SLC35F4: variants seen among roughly 807,000 people sequenced by gnomAD.
SLC35F4 encodes chromosome 14 open reading frame 36.
SLC35F4 carries 24 observed loss-of-function variants against 44.2 expected under a neutral mutation model. The observed-to-expected ratio is 0.54, with a 90% CI of 0.39 to 0.76. The LOEUF (loss-of-function observed/expected upper bound fraction) is 0.76. SLC35F4 is among the 30% of genes least tolerant of loss of function. The probability of loss-of-function intolerance (pLI) is 0.00; values close to 1 mark genes in which losing one functional copy is unlikely to be tolerated. For synonymous variants in SLC35F4, 238 were observed against 223.6 expected (o/e 1.06, Z -0.57); for missense variants, 562 against 586.1 (o/e 0.96, Z 0.42).
At chr14:57,740,711 T>C (rs2140509597) in intron 1 of SLC35F4, among the ~76,000 whole-genome samples, 1 of 152,342 alleles carries the variant, frequency 6.6e-6, no homozygotes, top group East Asian at 1.9e-4. Flanking sequence ...CCAAGTACAC[T>C]GATTTGATAT....
chr14:57,727,146 AT>A (rs2076225944), intron 1 of SLC35F4, among the ~76,000 whole-genome samples: 3 of 150,248 alleles, frequency 2.0e-5, no homozygotes, highest in Admixed American at 1.3e-4. Flanking sequence ...ACATATATAT[AT>A]ATATGTATTC....
chr14:57,653,913 G>A (rs1289417951), intron 1 of SLC35F4, among the ~76,000 whole-genome samples: 2 of 152,158 alleles, frequency 1.3e-5, no homozygotes, highest in African/African-American at 4.8e-5. Context: ...TTCCTTCTGA[G>A]GGCTGTGAGG....
intron 1 of SLC35F4, among the ~76,000 whole-genome samples, chr14:57,822,664 C>G (rs1422204815): frequency 2.6e-5 from 4 of 152,268 alleles, no homozygotes; most frequent in Admixed American, 2.6e-4. Flanking sequence ...AGCAGTGGAT[C>G]TTCTGCCTTA....
chr14:57,877,674 CTTTTTTTTTTTTTTTT>C (rs139397949), intron 1 of SLC35F4, among the ~76,000 whole-genome samples: 2 of 52,440 alleles, frequency 3.8e-5, no homozygotes, highest in African/African-American at 8.3e-5. Flanking sequence ...TATTTTTTGA[CTTTTTTTTTTTTTTTT>C]TTTTTTTTTT....
intron 3 of SLC35F4, among the ~76,000 whole-genome samples, chr14:57,586,107 A>G (rs924978604): frequency 1.6e-4 from 24 of 152,230 alleles, no homozygotes. Context: ...CCAAAACAGC[A>G]TGATACTGGT....
intron 1 of SLC35F4, among the ~76,000 whole-genome samples, chr14:57,754,017 C>A (rs2076942355): frequency 6.6e-6 from 1 of 151,812 alleles, no homozygotes; most frequent in African/African-American, 2.4e-5. Context: ...CAGGATTAGT[C>A]CAATTACCAG....
chr14:57,978,394 A>G (rs1408351173), intron 1 of SLC35F4, among the ~76,000 whole-genome samples: 1 of 152,080 alleles, frequency 6.6e-6, no homozygotes, highest in Non-Finnish European at 1.5e-5. Flanking sequence ...CAGCCCCACC[A>G]CCCAAATGCT....
rs150471042 is a variant in SLC35F4, at chr14:57,850,607, T to C, written c.103+15116A>G. On this transcript the variant is annotated intron_variant, in intron 1 of 7. Transcript: ENST00000556826. ...CATAGCTTTTCTTACTTTATGGATA[T>C]AACATGATACTTTTTTTCATTTAAA... 5.3e-5 allele frequency among the ~76,000 whole-genome samples: 8 copies of C among 152,322 alleles called. No homozygotes were observed. In the East Asian group the frequency reaches 5.8e-4, roughly 11 times the overall value.
intron 1 of SLC35F4, among the ~76,000 whole-genome samples, chr14:57,819,863 A>T (rs1882986675): frequency 1.3e-5 from 2 of 151,950 alleles, no homozygotes; most frequent in South Asian, 4.1e-4. Flanking sequence ...CCTACTAAAT[A>T]CCAAGGCTTC....
intron 4 of SLC35F4, among the ~76,000 whole-genome samples, chr14:57,574,861 G>GAATC (rs959019994): frequency 6.7e-6 from 1 of 149,234 alleles, no homozygotes; most frequent in South Asian, 2.3e-4. Context: ...CACATTTTCA[G>GAATC]AATCAATCAG....
chr14:57,921,841 T>C (rs975247842), intron 1 of SLC35F4, among the ~76,000 whole-genome samples: 3 of 152,224 alleles, frequency 2.0e-5, no homozygotes, highest in African/African-American at 7.2e-5. Context: ...TTAGGTCACG[T>C]TCTGAGCTGC....
rs921926142 is a variant in SLC35F4, at chr14:57,565,119, T to C, written c.1217-743A>G. Among the ~76,000 whole-genome samples, 4 of 152,348 alleles carry C rather than the reference T, an allele frequency of 2.6e-5. No individual in the cohort carries two copies. In the East Asian group the frequency reaches 7.7e-4, roughly 29 times the overall value. ...AATATTTCACTGCATCATAATTTGG[T>C]TATTCATTCAACTCCTGATTCACAT... On this transcript the variant is annotated intron_variant, in intron 7 of 7. Transcript: ENST00000556826.
At chr14:57,740,069 G>A (rs1282728162) in intron 1 of SLC35F4, among the ~76,000 whole-genome samples, 12 of 151,934 alleles carry the variant, frequency 7.9e-5, no homozygotes, top group African/African-American at 1.9e-4. Flanking sequence ...CATGTTGGCC[G>A]GGCTGGTCTC....
rs1433359456 is a variant in SLC35F4 at position 57,766,983 on chromosome 14, T to C, written c.103+98740A>G. The stretch of plus-strand genomic sequence containing the variant: ...ATACACTAATATCTAATAAAGTGAA[T>C]GAGAAAAAGAGGCACATTACTTAAT... On this transcript the variant is annotated intron_variant, in intron 1 of 7. Coordinates refer to ENST00000556826, the MANE Select transcript of SLC35F4 (RefSeq NM_001306087.2). Among the ~76,000 whole-genome samples, 4 of 152,250 alleles carry C rather than the reference T, an allele frequency of 2.6e-5. No homozygotes were observed. In the East Asian group the frequency reaches 5.8e-4, roughly 22 times the overall value.
At chr14:57,921,116 T>C (rs1464274097) in intron 1 of SLC35F4, among the ~76,000 whole-genome samples, 1 of 152,238 alleles carries the variant, frequency 6.6e-6, no homozygotes, top group South Asian at 2.1e-4. Flanking sequence ...ATTGTTCATC[T>C]CACTGAACCA....
intron 1 of SLC35F4, among the ~76,000 whole-genome samples, chr14:57,651,854 C>T (rs1013250790): frequency 6.6e-6 from 1 of 152,172 alleles, no homozygotes; most frequent in Non-Finnish European, 1.5e-5. Context: ...TCCAATGGGA[C>T]CCTTACCAGA....
chr14:57,671,168 G>A (rs1198456169), intron 1 of SLC35F4, among the ~76,000 whole-genome samples: 1 of 152,034 alleles, frequency 6.6e-6, no homozygotes, highest in Non-Finnish European at 1.5e-5. Flanking sequence ...GGCTGCAGGT[G>A]CCCATCCTCC....
At chr14:57,942,137 TA>T in intron 1 of SLC35F4, among the ~76,000 whole-genome samples, 1 of 152,340 alleles carries the variant, frequency 6.6e-6, no homozygotes, top group Non-Finnish European at 1.5e-5. Context: ...CAAGAGTGAA[TA>T]ACGTCAGAAC....
chr14:57,565,086 G>A (rs1238517454), intron 7 of SLC35F4, among the ~76,000 whole-genome samples: 1 of 152,070 alleles, frequency 6.6e-6, no homozygotes, highest in Admixed American at 6.5e-5. Flanking sequence ...TCCTTCTTAT[G>A]GCTGAATAAT....
Sources: gnomAD v4.1 joint callset for allele counts (sites outside exome capture counted in the v4.1 genomes callset) on GRCh38, gnomAD v4.1.1 for gene constraint, MANE v1.5 for transcripts, NCBI Gene and HGNC (gene_info 2026-07-23, HGNC 2026-07-21) for gene names.